Variants in PCDHA4 observed in about 807,000 individuals in gnomAD.
PCDHA4 encodes the protein protocadherin alpha 4, also known as protocadherin alpha-4.
A neutral mutation model predicts 61.4 loss-of-function variants in PCDHA4; 49 were observed. That is an observed-to-expected ratio of 0.80 (90% CI 0.63 to 1.01). The LOEUF is 1.01. Among genes scored for constraint, PCDHA4 ranks in the 50% least tolerant of loss-of-function variants. The pLI is 0.00. For synonymous variants in PCDHA4, 590 were observed against 550.3 expected, an observed-to-expected ratio of 1.07 and a Z score of -1.01; for missense variants, 1,254 against 1,235.8, an observed-to-expected ratio of 1.01 and a Z score of -0.22.
rs1482950920 is a variant in PCDHA4 at position 140,867,382 on chromosome 5, CG to C, written c.2385+57812del. On this transcript the variant is annotated intron_variant, in intron 1 of 3. Coordinates refer to ENST00000530339, the MANE Select transcript of PCDHA4 (RefSeq NM_018907.4). ...TTTTACAGATGCGTAATGGAATTAA[CG>C]GTTATAAAAGTTGATATGTCTCCTT... 4 of 152,124 alleles carry C rather than the reference CG, an allele frequency of 2.6e-5. No individual in the cohort carries two copies. In the East Asian group the frequency reaches 7.7e-4, roughly 29 times the overall value. 9.4% of individuals were successfully genotyped at this position (152,124 alleles called of 1,614,324 possible).
chr5:140,869,840 A>G (rs782569950), intron 1 of PCDHA4: 32 of 1,611,616 alleles, frequency 2.0e-5, no homozygotes, highest in Non-Finnish European at 2.6e-5. Context: ...GATAAATCAG[A>G]ATATAAGGTG....
At chr5:140,882,225 C>T (rs782533520) in intron 1 of PCDHA4, 9 of 1,559,344 alleles carry the variant, frequency 5.8e-6, no homozygotes, top group Middle Eastern at 1.7e-4. Flanking sequence ...TGAGGTAAGG[C>T]GTTGTATATA....
chr5:140,922,381 A>T (rs1554200794), intron 1 of PCDHA4, among the ~76,000 whole-genome samples: 2 of 152,208 alleles, frequency 1.3e-5, no homozygotes, highest in Admixed American at 6.5e-5. Flanking sequence ...TGCAAAACCA[A>T]AGACTCCTTG....
At chr5:140,830,615 T>C in intron 1 of PCDHA4, 1 of 612,998 alleles carries the variant, frequency 1.6e-6, no homozygotes, top group African/African-American at 1.9e-5. Flanking sequence ...TTCATTTTAT[T>C]GTGTTTCTTA....
chr5:140,970,527 ATG>A (rs1270257257), intron 1 of PCDHA4, among the ~76,000 whole-genome samples: 2 of 151,436 alleles, frequency 1.3e-5, no homozygotes, highest in African/African-American at 4.9e-5. Context: ...GTAGATGAAT[ATG>A]TGTGTGTGTT....
intron 1 of PCDHA4, among the ~76,000 whole-genome samples, chr5:140,976,091 C>CAACTTTTCAA (rs2096700073): frequency 6.6e-6 from 1 of 152,166 alleles, no homozygotes; most frequent in Non-Finnish European, 1.5e-5. Flanking sequence ...TATCAGTAGT[C>CAACTTTTCAA]AACTTTTCAA....
chr5:140,817,284 G>C (rs1412260220), intron 1 of PCDHA4: 2 of 152,406 alleles, frequency 1.3e-5, no homozygotes, highest in Non-Finnish European at 2.9e-5. Flanking sequence ...TGTGCTGCTG[G>C]ATGGGACTAT....
intron 1 of PCDHA4, chr5:140,824,610 G>GTTTTTTTCTT (rs1768198907): frequency 1.1e-5 from 1 of 95,104 alleles, no homozygotes; most frequent in African/African-American, 4.9e-5. Context: ...GCTAATTAAA[G>GTTTTTTTCTT]TTTTTTTTTT....
At chr5:140,926,190 ACTT>A (rs1468050055) in intron 1 of PCDHA4, among the ~76,000 whole-genome samples, 2 of 151,766 alleles carry the variant, frequency 1.3e-5, no homozygotes, top group South Asian at 2.2e-4. Flanking sequence ...CCCCCGCAGC[ACTT>A]CTTTCGGGGG....
At chr5:140,903,427 A>G (rs1030133179) in intron 1 of PCDHA4, among the ~76,000 whole-genome samples, 9 of 152,208 alleles carry the variant, frequency 5.9e-5, no homozygotes, top group African/African-American at 1.9e-4. Context: ...TCAGCACAAT[A>G]TGTATCAGTG....
At position 140,877,186 on chromosome 5, in the gene PCDHA4, A is replaced by C; in HGVS notation, c.2385+67614A>C. On this transcript the variant is annotated intron_variant, in intron 1 of 3. Coordinates refer to ENST00000530339, the MANE Select transcript of PCDHA4 (RefSeq NM_018907.4). The stretch of plus-strand genomic sequence containing the variant: ...GGCACTGCTGGCGACTCCGGCTGGC[A>C]GCGCAGGAGGCGCAGTTAGCGAGTT... 1 of 1,613,832 alleles carries C rather than the reference A, an allele frequency of 6.2e-7. No homozygotes were observed. Among genetic ancestry groups the C allele is most frequent in the Non-Finnish European group, 8.5e-7 (1 of 1,179,822 alleles).
chr5:140,879,782 G>C (rs1372413289), intron 1 of PCDHA4, among the ~76,000 whole-genome samples: 1 of 152,178 alleles, frequency 6.6e-6, no homozygotes, highest in African/African-American at 2.4e-5. Flanking sequence ...GGAAGAATCT[G>C]GTTTTTGTTT....
intron 1 of PCDHA4, chr5:140,830,439 T>G: frequency 6.2e-7 from 1 of 1,611,160 alleles, no homozygotes; most frequent in Non-Finnish European, 8.5e-7. Context: ...CCTATTATGA[T>G]GGGTAAGGCG....
At chr5:140,891,494 C>T (rs548491891) in intron 1 of PCDHA4, among the ~76,000 whole-genome samples, 1 of 151,678 alleles carries the variant, frequency 6.6e-6, no homozygotes, top group South Asian at 2.1e-4. Flanking sequence ...TGAGCATATC[C>T]TCAGCTATAA....
intron 1 of PCDHA4, among the ~76,000 whole-genome samples, chr5:140,846,211 C>T (rs1393164051): frequency 6.7e-6 from 1 of 149,252 alleles, no homozygotes; most frequent in Non-Finnish European, 1.5e-5. Flanking sequence ...GAGATCTTTC[C>T]ATTAATAGTA....
chr5:140,842,657 G>A lies in PCDHA4; in HGVS notation c.2385+33085G>A, dbSNP rs2150341261. 6 of 1,595,442 alleles carry A rather than the reference G, an allele frequency of 3.8e-6. No individual in the cohort carries two copies. In the Admixed American group the frequency reaches 5.1e-5, roughly 13 times the overall value. ...CACCGCCAGCTTGTCTGTGGAGGTG[G>A]CCGACGTGAACGACAATGCTCCGGC... On this transcript the variant is annotated intron_variant, in intron 1 of 3. Transcript: ENST00000530339.
chr5:140,859,830 T>C (rs1388131535), intron 1 of PCDHA4: 1 of 152,212 alleles, frequency 6.6e-6, no homozygotes, highest in Non-Finnish European at 1.5e-5. Flanking sequence ...AGAAGTGTAT[T>C]TGTTATTTTA....
chr5:140,842,949 C>G lies in PCDHA4; in HGVS notation c.2385+33377C>G, dbSNP rs6889154. On this transcript the variant is annotated intron_variant, in intron 1 of 3. Coordinates refer to ENST00000530339, the MANE Select transcript of PCDHA4 (RefSeq NM_018907.4). ...GTGAGCGCGCGCGACGCGGGCGTGC[C>G]GCCTCTGGGCAGCAACGTGACGCTG... 8 of 1,594,550 alleles carry G rather than the reference C, an allele frequency of 5.0e-6. 1 individual carries two copies. The highest frequency in any genetic ancestry group is 1.3e-5 in the African/African-American group (1 of 74,346).
In PCDHA4 at chr5:140,809,122, C is replaced by G; in HGVS notation, c.1935C>G (p.His645Gln). 1 of 1,613,994 alleles carries G rather than the reference C, an allele frequency of 6.2e-7. No homozygotes were observed. Among genetic ancestry groups the G allele is most frequent in the South Asian group, 1.1e-5 (1 of 91,086 alleles). The change falls in exon 1 of 4, where the codon CAC becomes CAG. Residue 645 changes from histidine (H) to glutamine (Q), a missense_variant. His to Gln is a conservative substitution (Grantham distance 24). Transcript: ENST00000530339. Reference sequence around the variant, plus strand: ...TGGACGAAACGGACGCTCCGCGCCACCGCCTACTGGTACTGGTGAAGGACC... The same window carrying G: ...TGGACGAAACGGACGCTCCGCGCCAGCGCCTACTGGTACTGGTGAAGGACC... ...RALDETDAPR[H>Q]RLLVLVKDHG...
Sources: gnomAD v4.1 joint callset for allele counts (sites outside exome capture counted in the v4.1 genomes callset) on GRCh38, gnomAD v4.1.1 for gene constraint, MANE v1.5 for transcripts, NCBI Gene and HGNC (gene_info 2026-07-23, HGNC 2026-07-21) for gene names.